FCHO2: variants seen among roughly 807,000 people sequenced by gnomAD.
The protein encoded by FCHO2 is F-BAR domain only protein 2.
FCHO2 carries 43 observed loss-of-function variants against 114.1 expected under a neutral mutation model. That is an observed-to-expected ratio of 0.38 (90% CI 0.30 to 0.49). The LOEUF (loss-of-function observed/expected upper bound fraction) is 0.49, where lower values mean the gene tolerates loss of function less well. FCHO2 is among the 20% of genes least tolerant of loss of function. The probability of loss-of-function intolerance (pLI) is 0.97; values close to 1 mark genes in which losing one functional copy is unlikely to be tolerated. For missense variants in FCHO2, 807 were observed against 950.4 expected (o/e 0.85, Z 1.98); for synonymous variants, 293 against 315.2 (o/e 0.93, Z 0.75).
At chr5:73,046,644 A>G (rs1683803502) in intron 11 of FCHO2, among the ~76,000 whole-genome samples, 1 of 152,200 alleles carries the variant, frequency 6.6e-6, no homozygotes, top group Admixed American at 6.5e-5. Flanking sequence ...TGATTTCTAA[A>G]AGATTCACAA....
intron 2 of FCHO2, among the ~76,000 whole-genome samples, chr5:72,988,105 G>C (rs954361077): frequency 3.9e-5 from 6 of 152,122 alleles, no homozygotes; most frequent in African/African-American, 1.4e-4. Context: ...ACATTGAGAA[G>C]AGCCAGGCAA....
chr5:73,020,250 T>C (rs934983768), intron 8 of FCHO2, among the ~76,000 whole-genome samples: 7 of 152,088 alleles, frequency 4.6e-5, no homozygotes, highest in African/African-American at 1.7e-4. Context: ...AAACAGTATG[T>C]TGGATGACAC....
chr5:73,074,567 A>G (rs1163101727), intron 19 of FCHO2, among the ~76,000 whole-genome samples, 175 bp from the exon 20 acceptor site: 1 of 151,680 alleles, frequency 6.6e-6, no homozygotes, highest in Non-Finnish European at 1.5e-5. Flanking sequence ...TGTCCTTTGT[A>G]TTAATGCTCC....
At chr5:72,967,763 G>A (rs532674956) in intron 1 of FCHO2, among the ~76,000 whole-genome samples, 97 of 151,964 alleles carry the variant, frequency 6.4e-4, no homozygotes, top group Non-Finnish European at 1.3e-3. Flanking sequence ...GGGATTATGG[G>A]TGCATGCCAC....
At chr5:72,963,084 A>T (rs1189735286) in intron 1 of FCHO2, among the ~76,000 whole-genome samples, 1 of 152,170 alleles carries the variant, frequency 6.6e-6, no homozygotes, top group Non-Finnish European at 1.5e-5. Flanking sequence ...AGATAATTAA[A>T]CTGGAAAGTG....
intron 5 of FCHO2, 134 bp from the exon 6 acceptor site, chr5:73,006,311 A>G (rs2112714931): frequency 2.1e-6 from 1 of 474,342 alleles, no homozygotes; most frequent in Non-Finnish European, 3.5e-6. Flanking sequence ...GGGCCTCACA[A>G]CAAGTATCAA....
At chr5:73,035,288 G>T (rs1277679015) in intron 9 of FCHO2, among the ~76,000 whole-genome samples, 1 of 152,024 alleles carries the variant, frequency 6.6e-6, no homozygotes, top group African/African-American at 2.4e-5. Context: ...GTGTGGTGGT[G>T]TGCACCTGTA....
intron 1 of FCHO2, among the ~76,000 whole-genome samples, chr5:72,966,932 A>G (rs1367611690): frequency 6.6e-6 from 1 of 152,248 alleles, no homozygotes; most frequent in African/African-American, 2.4e-5. Context: ...TTAAGGATTC[A>G]TAGGATTAAA....
Position 73,081,901 on chromosome 5 carries a change from C to T in FCHO2, c.2099C>T (p.Pro700Leu). 6.2e-7 allele frequency: 1 copy of T among 1,612,350 alleles called. No individual in the cohort carries two copies. The highest frequency in any genetic ancestry group is 1.7e-5 in the Admixed American group (1 of 59,874). ...YKYNPEAMVA[P>L]SVLSNIQVVV... ...TACAATCCAGAAGCTATGGTGGCAC[C>T]TAGTGTGCTTTCCAACATACAGGTG... The change falls in exon 23 of 26, where the codon CCT becomes CTT. Residue 700 changes from proline to leucine, a missense_variant. Coordinates refer to ENST00000430046, the MANE Select transcript of FCHO2 (RefSeq NM_138782.3).
chr5:73,020,821 A>T, intron 8 of FCHO2: 1 of 915,828 alleles, frequency 1.1e-6, no homozygotes, highest in South Asian at 1.3e-5. Flanking sequence ...CCTGTCTGCG[A>T]TGCTGCCGAG....
At position 73,005,892 on chromosome 5, in the gene FCHO2, G is replaced by C. The variant is rs867692243; in HGVS notation, c.496-553G>C. ...AAAAATAGGCAAAGATTGAAAACAA[G>C]TTTCTGTATTTGCTGGAGCATAATG... is the stretch of plus-strand genomic sequence containing the variant. On this transcript the variant is annotated intron_variant, in intron 5 of 25. Transcript: ENST00000430046. 4.6e-5 allele frequency among the ~76,000 whole-genome samples: 7 copies of C among 152,034 alleles called. 1 individual carries two copies. Among genetic ancestry groups the C allele is most frequent in the Admixed American group, 1.3e-4 (2 of 15,260 alleles).
chr5:72,964,958 C>A (rs1752110753), intron 1 of FCHO2, among the ~76,000 whole-genome samples: 2 of 151,970 alleles, frequency 1.3e-5, no homozygotes, highest in African/African-American at 4.8e-5. Flanking sequence ...ATAGTATATA[C>A]CCTTCCTGCC....
chr5:73,054,600 G>A, intron 15 of FCHO2, 51 bp downstream of exon 15: 1 of 1,356,580 alleles, frequency 7.4e-7, no homozygotes, highest in Non-Finnish European at 1.0e-6. Flanking sequence ...AATTTATAAG[G>A]CAATTTGTTA....
chr5:73,054,435 A>C (rs1757487527), intron 14 of FCHO2, 90 bp from the exon 15 acceptor site: 2 of 1,156,164 alleles, frequency 1.7e-6, no homozygotes, highest in Admixed American at 4.7e-5. Context: ...AAAACAACAT[A>C]AAATTAGGTT....
chr5:72,988,022 AGTTG>A lies in FCHO2; in HGVS notation c.126-1399_126-1396del, dbSNP rs1753626657. ...CTGGATTTAGACATTAGAAGCAGAA[AGTTG>A]GTTGGACCAATCAAAGTAAATGGAG... On this transcript the variant is annotated intron_variant, in intron 2 of 25. Transcript: ENST00000430046. 3.3e-5 allele frequency among the ~76,000 whole-genome samples: 5 copies of A among 152,326 alleles called. No homozygotes were observed. The South Asian group carries it at 1.0e-3, about 32-fold the overall frequency.
At chr5:73,024,738 A>G (rs1236821566) in intron 8 of FCHO2, among the ~76,000 whole-genome samples, 1 of 152,116 alleles carries the variant, frequency 6.6e-6, no homozygotes, top group Non-Finnish European at 1.5e-5. Flanking sequence ...CCCGCGGCCT[A>G]GCAGTGAGAC....
rs1754721799 is a variant in FCHO2 at position 73,006,487 on chromosome 5, T to C, written c.538T>C (p.Tyr180His). ...GAAAGCTACAGATACCTATAAACTC[T>C]ATGTGGAAAAATATGCATTAGCAAA... ...SKKATDTYKL[Y>H]VEKYALAKAD... Residue 180 changes from tyrosine (Y) to histidine (H), a missense_variant, in exon 6 of 26, where the codon TAT (tyrosine) becomes CAT (histidine). Coordinates refer to ENST00000430046, the MANE Select transcript of FCHO2 (RefSeq NM_138782.3). The C allele has an allele frequency of 3.8e-6, 6 of 1,578,098 alleles. No homozygotes were observed. The highest frequency in any genetic ancestry group is 4.3e-6 in the Non-Finnish European group (5 of 1,166,124).
chr5:72,996,845 G>A (rs1561433592), intron 5 of FCHO2: 2 of 1,014,082 alleles, frequency 2.0e-6, no homozygotes, highest in South Asian at 2.8e-5. Flanking sequence ...GGCAACGGGG[G>A]GCTGGCGGAG....
chr5:73,057,235 G>T (rs1428791370), intron 16 of FCHO2, among the ~76,000 whole-genome samples: 1 of 152,012 alleles, frequency 6.6e-6, no homozygotes, highest in African/African-American at 2.4e-5. Flanking sequence ...CAGAGTTAAT[G>T]TAAAATACAA....
Sources: gnomAD v4.1 joint callset for allele counts (sites outside exome capture counted in the v4.1 genomes callset) on GRCh38, gnomAD v4.1.1 for gene constraint, MANE v1.5 for transcripts, NCBI Gene and HGNC (gene_info 2026-07-23, HGNC 2026-07-21) for gene names.